NUPR1: variants seen among roughly 807,000 people sequenced by gnomAD.
The protein encoded by NUPR1 is nuclear protein 1, transcriptional regulator.
NUPR1 carries 8 observed loss-of-function variants against 7.3 expected under a neutral mutation model. The ratio of observed to expected loss-of-function variants is 1.09; its 90% CI spans 0.64 to 1.97. The LOEUF (loss-of-function observed/expected upper bound fraction) is 1.97, where lower values mean the gene tolerates loss of function less well. Ranked by LOEUF, NUPR1 falls within the 30% of genes most tolerant of loss-of-function variation. The probability of loss-of-function intolerance (pLI) is 0.00; values close to 1 mark genes in which losing one functional copy is unlikely to be tolerated. For missense variants in NUPR1, 96 were observed against 111.7 expected, an observed-to-expected ratio of 0.86 and a Z score of 0.63; for synonymous variants, 39 against 44.5, an observed-to-expected ratio of 0.88 and a Z score of 0.49.
rs188906792 is a variant in NUPR1 at position 28,537,995 on chromosome 16, C to T, written c.*13+11G>A. On this transcript the variant is annotated intron_variant, in intron 2 of 2. Transcript: ENST00000324873. ...ACCACCTTGAGCTCTCTGGGCCCCC[C>T]GACTCCTTACCTCCAGCTCTGTCTC... 18,189 of 1,600,698 alleles carry T rather than the reference C, an allele frequency of 0.011. 148 individuals carry two copies. Among genetic ancestry groups the T allele is most frequent in the South Asian group, 0.013 (1,185 of 89,772 alleles).
Position 28,535,561 on chromosome 16 carries a change from TTC to T in NUPR1, c.*2120_*2121del, listed in dbSNP as rs1567277420. 7 of 33,056 alleles carry T rather than the reference TTC, an allele frequency of 2.1e-4. No individual in the cohort carries two copies. The highest frequency in any genetic ancestry group is 6.4e-4 in the East Asian group (1 of 1,556). 2.0% of individuals were successfully genotyped at this position (33,056 alleles called of 1,614,324 possible). A position where few individuals can be genotyped will look rare whatever the true frequency, so the allele number is the denominator to read the frequency against. On this transcript the variant is annotated 3_prime_UTR_variant, in exon 3 of 3. Coordinates refer to ENST00000324873, the MANE Select transcript of NUPR1 (RefSeq NM_012385.3). Reference sequence around the variant, plus strand: ...TTTCTTTCCTTCTTTCTTTCTTTCTTTCCTTCCTTCCTTTCTTTCTTTCTTTC... The same window carrying T: ...TTTCTTTCCTTCTTTCTTTCTTTCTTCTTCCTTCCTTTCTTTCTTTCTTTC...
Position 28,535,117 on chromosome 16 carries a change from C to T in NUPR1, c.*2566G>A, listed in dbSNP as rs1479032584. On this transcript the variant is annotated 3_prime_UTR_variant, in exon 3 of 3. Coordinates refer to ENST00000324873, the MANE Select transcript of NUPR1 (RefSeq NM_012385.3). ...TAGCACTGAATAAGAATCTCCCTCC[C>T]CCATCTCACTTCCCAGAACCCTGTC... 1 of 152,170 alleles carries T rather than the reference C, an allele frequency of 6.6e-6. No homozygotes were observed. The highest frequency in any genetic ancestry group is 1.9e-4 in the East Asian group (1 of 5,190). The allele number at this position is 152,170 out of a possible 1,614,324, so 9.4% of individuals were successfully genotyped here. A position where few individuals can be genotyped will look rare whatever the true frequency, so the allele number is the denominator to read the frequency against.
rs1359794297 is a variant in NUPR1, at chr16:28,535,567, C to CTTTCTTTCTTTCTTTCTTTTCTTT, written c.*2115_*2116insAAAGAAAAGAAAGAAAGAAAGAAA. The CTTTCTTTCTTTCTTTCTTTTCTTT allele has an allele frequency of 1.5e-5, 1 of 67,390 alleles. No individual in the cohort carries two copies. Among genetic ancestry groups the CTTTCTTTCTTTCTTTCTTTTCTTT allele is most frequent in the Non-Finnish European group, 2.9e-5 (1 of 34,784 alleles). The allele number at this position is 67,390 out of a possible 1,614,324, so 4.2% of individuals were successfully genotyped here. A position where few individuals can be genotyped will look rare whatever the true frequency, so the allele number is the denominator to read the frequency against. On this transcript the variant is annotated 3_prime_UTR_variant, in exon 3 of 3. Coordinates refer to ENST00000324873, the MANE Select transcript of NUPR1 (RefSeq NM_012385.3). ...TCCTTCTTTCTTTCTTTCTTTCCTT[C>CTTTCTTTCTTTCTTTCTTTTCTTT]CTTCCTTTCTTTCTTTCTTTCTTTC...
chr16:28,538,625 G>A (rs2046642610), intron 1 of NUPR1, 171 bp downstream of exon 1: 2 of 705,608 alleles, frequency 2.8e-6, no homozygotes, highest in Non-Finnish European at 5.2e-6. Flanking sequence ...AGTTGTTTGA[G>A]TTGTTGTGAT....
rs1406601108 is a variant in NUPR1 at position 28,535,544 on chromosome 16, C to CTTTTCTTTCT, written c.*2138_*2139insAGAAAGAAAA. 1.7e-5 allele frequency: 1 copy of CTTTTCTTTCT among 58,122 alleles called. No homozygotes were observed. Among genetic ancestry groups the CTTTTCTTTCT allele is most frequent in the Admixed American group, 2.1e-4 (1 of 4,812 alleles). 3.6% of individuals were successfully genotyped at this position (58,122 alleles called of 1,614,324 possible). On this transcript the variant is annotated 3_prime_UTR_variant, in exon 3 of 3. Transcript: ENST00000324873. ...CTTTCTTTCTTTCTTTCTTTCTTTC[C>CTTTTCTTTCT]TTCTTTCTTTCTTTCTTTCCTTCCT...
rs2046624357 is a variant in NUPR1 at position 28,536,453 on chromosome 16, G to A, written c.*1230C>T. ...CACGAGAATTGCTTGAACCCGGGAG[G>A]CAGAGGTTGCAGTGAGCCAAGATGG... On this transcript the variant is annotated 3_prime_UTR_variant, in exon 3 of 3. Transcript: ENST00000324873. 1 of 152,168 alleles carries A rather than the reference G, an allele frequency of 6.6e-6. No homozygotes were observed. The highest frequency in any genetic ancestry group is 2.4e-5 in the African/African-American group (1 of 41,422). 9.4% of individuals were successfully genotyped at this position (152,168 alleles called of 1,614,324 possible). A position where few individuals can be genotyped will look rare whatever the true frequency, so the allele number is the denominator to read the frequency against.
rs545487363 is a variant in NUPR1 at position 28,538,611 on chromosome 16, G to C, written c.112+185C>G. The C allele has an allele frequency of 3.0e-5, 21 of 693,372 alleles. No homozygotes were observed. The African/African-American group carries it at 3.2e-4, about 10-fold the overall frequency. 43.0% of individuals were successfully genotyped at this position (693,372 alleles called of 1,614,324 possible). On this transcript the variant is annotated intron_variant, in intron 1 of 2. Coordinates refer to ENST00000324873, the MANE Select transcript of NUPR1 (RefSeq NM_012385.3). ...CTTGAGCCCAGGAGTTCGAGGCTGC[G>C]GTGAGTTGTTTGAGTTGTTGTGATC...
At position 28,535,567 on chromosome 16, in the gene NUPR1, C is replaced by CTTTCTTTCTTTCTTTCTTTTCTTTCTTT. The variant is rs1359794297; in HGVS notation, c.*2115_*2116insAAAGAAAGAAAAGAAAGAAAGAAAGAAA. On this transcript the variant is annotated 3_prime_UTR_variant, in exon 3 of 3. Transcript: ENST00000324873. ...TCCTTCTTTCTTTCTTTCTTTCCTT[C>CTTTCTTTCTTTCTTTCTTTTCTTTCTTT]CTTCCTTTCTTTCTTTCTTTCTTTC... 3 of 67,392 alleles carry CTTTCTTTCTTTCTTTCTTTTCTTTCTTT rather than the reference C, an allele frequency of 4.5e-5. No individual in the cohort carries two copies. The highest frequency in any genetic ancestry group is 2.9e-5 in the Non-Finnish European group (1 of 34,786). The allele number at this position is 67,392 out of a possible 1,614,324, so 4.2% of individuals were successfully genotyped here.
In NUPR1 at chr16:28,534,948, CTAAG is replaced by C. The variant is rs1366837387; in HGVS notation, c.*2731_*2734del. The C allele has an allele frequency of 6.6e-6, 1 of 152,138 alleles. No individual in the cohort carries two copies. Among genetic ancestry groups the C allele is most frequent in the East Asian group, 1.9e-4 (1 of 5,192 alleles). The allele number at this position is 152,138 out of a possible 1,614,324, so 9.4% of individuals were successfully genotyped here. A position where few individuals can be genotyped will look rare whatever the true frequency, so the allele number is the denominator to read the frequency against. ...CATTTGAACCCAGGAGGACTTGGGG[CTAAG>C]TAAGAGAGGAGTAACTTTGTATCCT... On this transcript the variant is annotated 3_prime_UTR_variant, in exon 3 of 3. Transcript: ENST00000324873.
rs755520263 is a variant in NUPR1 at position 28,535,576 on chromosome 16, CT to C, written c.*2106del. The C allele has an allele frequency of 5.1e-5, 2 of 39,342 alleles. No homozygotes were observed. The highest frequency in any genetic ancestry group is 3.2e-4 in the African/African-American group (2 of 6,268). 2.4% of individuals were successfully genotyped at this position (39,342 alleles called of 1,614,324 possible). A position where few individuals can be genotyped will look rare whatever the true frequency, so the allele number is the denominator to read the frequency against. ...CTTTCTTTCTTTCCTTCCTTCCTTT[CT>C]TTCTTTCTTTCTTTCTTTCTTTCTT... On this transcript the variant is annotated 3_prime_UTR_variant, in exon 3 of 3. Coordinates refer to ENST00000324873, the MANE Select transcript of NUPR1 (RefSeq NM_012385.3).
rs1320045657 is a variant in NUPR1 at position 28,533,083 on chromosome 16, G to T, written c.*4600C>A. On this transcript the variant is annotated 3_prime_UTR_variant, in exon 3 of 3. Coordinates refer to ENST00000324873, the MANE Select transcript of NUPR1 (RefSeq NM_012385.3). ...CTGCCTGGTGTTGCTCCTGCCATTT[G>T]CTCCCTGGGTTCTAGAGCTGATGGT... is the stretch of plus-strand genomic sequence containing the variant. 1 of 152,270 alleles carries T rather than the reference G, an allele frequency of 6.6e-6. No homozygotes were observed. Among genetic ancestry groups the T allele is most frequent in the Non-Finnish European group, 1.5e-5 (1 of 68,136 alleles). 9.4% of individuals were successfully genotyped at this position (152,270 alleles called of 1,614,324 possible).
At chr16:28,538,744 C>T in intron 1 of NUPR1, 52 bp downstream of exon 1, 1 of 1,350,046 alleles carries the variant, frequency 7.4e-7, no homozygotes, top group Non-Finnish European at 1.1e-6. Flanking sequence ...AGGGGTGGGT[C>T]CTGATTTCGG....
At chr16:28,538,301 G>C in intron 1 of NUPR1, 146 bp from the exon 2 acceptor site, 8 of 1,180,098 alleles carry the variant, frequency 6.8e-6, no homozygotes, top group Non-Finnish European at 9.7e-6. Context: ...TGGGACCCCA[G>C]ATGTGTGTGA....
rs1304066674 is a variant in NUPR1 at position 28,535,207 on chromosome 16, C to T, written c.*2476G>A. On this transcript the variant is annotated 3_prime_UTR_variant, in exon 3 of 3. Coordinates refer to ENST00000324873, the MANE Select transcript of NUPR1 (RefSeq NM_012385.3). ...AGACAATAAGATCCCTGAATATGAG[C>T]CCTGAGTGAGCTAGGGCAAATCCCT... 1 of 152,188 alleles carries T rather than the reference C, an allele frequency of 6.6e-6. No individual in the cohort carries two copies. Among genetic ancestry groups the T allele is most frequent in the African/African-American group, 2.4e-5 (1 of 41,436 alleles). 9.4% of individuals were successfully genotyped at this position (152,188 alleles called of 1,614,324 possible).
In NUPR1 at chr16:28,538,770, C is replaced by T. The variant is rs767874999; in HGVS notation, c.112+26G>A. 17 of 1,554,354 alleles carry T rather than the reference C, an allele frequency of 1.1e-5. No individual in the cohort carries two copies. In the East Asian group the frequency reaches 2.5e-4, roughly 23 times the overall value. ...CTGATTTCGGGAGAGGAGGAAGGAC[C>T]GTGGAGATGGCTGAGTGGGCCTTAC... On this transcript the variant is annotated intron_variant, in intron 1 of 2. Coordinates refer to ENST00000324873, the MANE Select transcript of NUPR1 (RefSeq NM_012385.3).
Position 28,535,655 on chromosome 16 carries a change from TTC to T in NUPR1, c.*2026_*2027del, listed in dbSNP as rs1303952636. The T allele has an allele frequency of 6.7e-5, 10 of 149,274 alleles. No homozygotes were observed. Among genetic ancestry groups the T allele is most frequent in the East Asian group, 2.0e-4 (1 of 5,078 alleles). 9.2% of individuals were successfully genotyped at this position (149,274 alleles called of 1,614,324 possible). Reference sequence around the variant, plus strand: ...TCTCTCTTTCTTCTTTTTCTCTCCTTTCTCTCTTTCTTTTCTTTCTTCCTTCC... The same window carrying T: ...TCTCTCTTTCTTCTTTTTCTCTCCTTTCTCTTTCTTTTCTTTCTTCCTTCC... On this transcript the variant is annotated 3_prime_UTR_variant, in exon 3 of 3. Transcript: ENST00000324873.
rs2046622693 is a variant in NUPR1, at chr16:28,536,269, C to G, written c.*1414G>C. 6.6e-6 allele frequency: 1 copy of G among 152,314 alleles called. No homozygotes were observed. Among genetic ancestry groups the G allele is most frequent in the Non-Finnish European group, 1.5e-5 (1 of 68,176 alleles). The allele number at this position is 152,314 out of a possible 1,614,324, so 9.4% of individuals were successfully genotyped here. ...TCAGGAGGCTGAAGCAGGAGAATAG[C>G]TTGAACCCAGGAGGCGGAGGTTGCA... On this transcript the variant is annotated 3_prime_UTR_variant, in exon 3 of 3. Coordinates refer to ENST00000324873, the MANE Select transcript of NUPR1 (RefSeq NM_012385.3).
At position 28,537,450 on chromosome 16, in the gene NUPR1, C is replaced by A. The variant is rs113429128; in HGVS notation, c.*233G>T. The A allele has an allele frequency of 9.4e-3, 1,436 of 152,516 alleles. 7 individuals are homozygous for A. Among genetic ancestry groups the A allele is most frequent in the South Asian group, 0.013 (64 of 4,824 alleles). The allele number at this position is 152,516 out of a possible 1,614,324, so 9.4% of individuals were successfully genotyped here. On this transcript the variant is annotated 3_prime_UTR_variant, in exon 3 of 3. Transcript: ENST00000324873. ...TCTGTAGCTTTCTTTTCTGGGGGAT[C>A]TTCCTGGCTCTGCCCCTCCATTCCC... is the stretch of plus-strand genomic sequence containing the variant.
In NUPR1 at chr16:28,533,948, C is replaced by A. The variant is rs1289025892; in HGVS notation, c.*3735G>T. ...GGGAGTTTGAGACCAGCCTGGGCAACATGGTGAAACCCCGTCTCTACTAAA... is the reference window on the plus strand; with the variant it reads ...GGGAGTTTGAGACCAGCCTGGGCAAAATGGTGAAACCCCGTCTCTACTAAA... On this transcript the variant is annotated 3_prime_UTR_variant, in exon 3 of 3. Transcript: ENST00000324873. 6.6e-6 allele frequency: 1 copy of A among 152,144 alleles called. No individual in the cohort carries two copies. The highest frequency in any genetic ancestry group is 6.6e-5 in the Admixed American group (1 of 15,260). The allele number at this position is 152,144 out of a possible 1,614,324, so 9.4% of individuals were successfully genotyped here. A position where few individuals can be genotyped will look rare whatever the true frequency, so the allele number is the denominator to read the frequency against.
Sources: gnomAD v4.1 joint callset for allele counts on GRCh38, gnomAD v4.1.1 for gene constraint, MANE v1.5 for transcripts, NCBI Gene and HGNC (gene_info 2026-07-23, HGNC 2026-07-21) for gene names.